Variants in RSU1 observed in about 807,000 individuals in gnomAD.
The protein encoded by RSU1 is rsu-1.
A neutral mutation model predicts 31.1 loss-of-function variants in RSU1; 26 were observed. The ratio of observed to expected loss-of-function variants is 0.84; its 90% CI spans 0.61 to 1.16. The LOEUF is 1.16. Ranked by LOEUF, RSU1 falls within the 50% of genes most tolerant of loss-of-function variation. The pLI, the probability that RSU1 is intolerant of heterozygous loss-of-function variation, is 0.00. For synonymous variants in RSU1, 164 were observed against 136.3 expected (o/e 1.20, Z -1.41); for missense variants, 320 against 339.1 (o/e 0.94, Z 0.44).
At chr10:16,605,640 G>A (rs1833790873) in intron 8 of RSU1, among the ~76,000 whole-genome samples, 1 of 152,102 alleles carries the variant, frequency 6.6e-6, no homozygotes, top group African/African-American at 2.4e-5. Context: ...CGCTCATCAG[G>A]TGACTACCAT....
chr10:16,702,578 T>G (rs2131572338), intron 7 of RSU1, among the ~76,000 whole-genome samples: 1 of 152,344 alleles, frequency 6.6e-6, no homozygotes, highest in Non-Finnish European at 1.5e-5. Context: ...CCGTGCTGGG[T>G]TTTGAACTTC....
At chr10:16,610,873 A>G (rs1833881130) in intron 8 of RSU1, among the ~76,000 whole-genome samples, 2 of 152,196 alleles carry the variant, frequency 1.3e-5, no homozygotes, top group South Asian at 2.1e-4. Context: ...AAGGATACAC[A>G]CAGGAAATCT....
intron 8 of RSU1, among the ~76,000 whole-genome samples, chr10:16,596,556 ACT>A (rs1290604956): frequency 1.3e-5 from 2 of 152,106 alleles, no homozygotes; most frequent in Middle Eastern, 3.4e-3. Context: ...CAAGGGTCTG[ACT>A]CTGTGTCTTC....
At chr10:16,639,039 T>C (rs1256394425) in intron 8 of RSU1, among the ~76,000 whole-genome samples, 2 of 152,342 alleles carry the variant, frequency 1.3e-5, no homozygotes, top group African/African-American at 2.4e-5. Flanking sequence ...CGGACAGTTA[T>C]TTCGTTGTGA....
chr10:16,790,772 C>A (rs570602264), intron 2 of RSU1, among the ~76,000 whole-genome samples: 34 of 152,272 alleles, frequency 2.2e-4, no homozygotes, highest in African/African-American at 7.5e-4. Flanking sequence ...CTCACCAGAT[C>A]TGGTTGTTTG....
intron 7 of RSU1, among the ~76,000 whole-genome samples, chr10:16,728,736 G>A (rs747591727): frequency 6.6e-6 from 1 of 152,204 alleles, no homozygotes; most frequent in Non-Finnish European, 1.5e-5. Context: ...GTGCTTATAA[G>A]AGGGATGGGA....
In RSU1 at chr10:16,593,357, G is replaced by T; in HGVS notation, c.*37C>A. The stretch of plus-strand genomic sequence containing the variant: ...AAGAGAGAATGAAGTGTTGGAGAGA[G>T]AAGGTGCTGGAAGGCCAGCCGATGC... On this transcript the variant is annotated 3_prime_UTR_variant, in exon 9 of 9. Coordinates refer to ENST00000345264, the MANE Select transcript of RSU1 (RefSeq NM_012425.4). The T allele has an allele frequency of 6.2e-7, 1 of 1,613,882 alleles. No homozygotes were observed. Among genetic ancestry groups the T allele is most frequent in the Non-Finnish European group, 8.5e-7 (1 of 1,179,888 alleles).
chr10:16,605,203 T>C (rs1242654066), intron 8 of RSU1, among the ~76,000 whole-genome samples: 3 of 152,208 alleles, frequency 2.0e-5, no homozygotes, highest in Admixed American at 6.5e-5. Context: ...TCTGGTCTAC[T>C]GCAAATGTGA....
intron 3 of RSU1, among the ~76,000 whole-genome samples, chr10:16,772,476 G>A (rs111914491): frequency 0.05 from 7,554 of 151,896 alleles, 634 homozygotes; most frequent in African/African-American, 0.17. Flanking sequence ...CATCAATAAA[G>A]AGCTTTAATT....
chr10:16,621,781 C>A (rs1834075854), intron 8 of RSU1, among the ~76,000 whole-genome samples: 2 of 152,292 alleles, frequency 1.3e-5, no homozygotes, highest in African/African-American at 2.4e-5. Flanking sequence ...AGTTACCTCC[C>A]ACTGGGTCCC....
chr10:16,731,429 C>CAA lies in RSU1; in HGVS notation c.598+21108_598+21109dup, dbSNP rs61458512. Among the ~76,000 whole-genome samples the CAA allele has an allele frequency of 2.7e-3, 258 of 95,524 alleles. 2 individuals are homozygous for CAA. Among genetic ancestry groups the CAA allele is most frequent in the African/African-American group, 7.3e-3 (226 of 30,892 alleles). The allele number at this position is 95,524 out of a possible 152,430, so 62.7% of individuals were successfully genotyped here. ...TGGGCGAAAGAGCGACACTCCGTCT[C>CAA]AAAAAAAAAAAAAAAAATACTGTGG... is the stretch of plus-strand genomic sequence containing the variant. On this transcript the variant is annotated intron_variant, in intron 7 of 8. Transcript: ENST00000345264.
chr10:16,796,696 C>T (rs1838041627), intron 2 of RSU1, among the ~76,000 whole-genome samples: 1 of 151,898 alleles, frequency 6.6e-6, no homozygotes, highest in African/African-American at 2.4e-5. Context: ...CTTATTTTTC[C>T]CACTGTACCA....
At chr10:16,652,122 A>AGCAC (rs1317352150) in intron 8 of RSU1, among the ~76,000 whole-genome samples, 3 of 152,302 alleles carry the variant, frequency 2.0e-5, no homozygotes, top group Admixed American at 2.0e-4. Context: ...CTTATTGGAA[A>AGCAC]GCACCTTTAA....
At chr10:16,780,622 C>T (rs942647114) in intron 3 of RSU1, among the ~76,000 whole-genome samples, 2 of 152,174 alleles carry the variant, frequency 1.3e-5, no homozygotes, top group Non-Finnish European at 2.9e-5. Context: ...GTAAGCTTAG[C>T]AATTAAGAAA....
chr10:16,605,076 G>A (rs1159516091), intron 8 of RSU1, among the ~76,000 whole-genome samples: 1 of 152,130 alleles, frequency 6.6e-6, no homozygotes, highest in Non-Finnish European at 1.5e-5. Flanking sequence ...AATGCCTGAA[G>A]TCAGCTGTAT....
intron 8 of RSU1, among the ~76,000 whole-genome samples, chr10:16,624,377 A>T (rs905944432): frequency 1.3e-5 from 2 of 151,924 alleles, no homozygotes; most frequent in African/African-American, 4.8e-5. Context: ...GTGGCTGCCC[A>T]TCACTCCTCA....
At chr10:16,722,887 CATATAT>C (rs1836301411) in intron 7 of RSU1, among the ~76,000 whole-genome samples, 2 of 147,650 alleles carry the variant, frequency 1.4e-5, no homozygotes, top group South Asian at 4.3e-4. Flanking sequence ...CACACATATA[CATATAT>C]GTATATATAC....
intron 2 of RSU1, among the ~76,000 whole-genome samples, chr10:16,786,824 G>A (rs376114391): frequency 6.6e-6 from 1 of 152,100 alleles, no homozygotes; most frequent in East Asian, 1.9e-4. Flanking sequence ...ACATAAAATG[G>A]TTATCTTACA....
intron 8 of RSU1, among the ~76,000 whole-genome samples, chr10:16,651,235 A>G (rs566599232): frequency 6.6e-6 from 1 of 152,330 alleles, no homozygotes; most frequent in East Asian, 1.9e-4. Context: ...CAATGATATG[A>G]AGCAACCTCT....
Sources: allele counts gnomAD v4.1 joint callset (sites outside exome capture counted in the v4.1 genomes callset), GRCh38; gene constraint gnomAD v4.1.1; transcripts MANE v1.5; gene names NCBI Gene and HGNC (gene_info 2026-07-23, HGNC 2026-07-21).